CCDC6: variants seen among roughly 807,000 people sequenced by gnomAD.
The protein encoded by CCDC6 is coiled-coil domain-containing protein 6.
A neutral mutation model predicts 56.6 loss-of-function variants in CCDC6; 20 were observed. The observed-to-expected ratio is 0.35, with a 90% CI of 0.25 to 0.51. CCDC6 has a LOEUF of 0.51. Among genes scored for constraint, CCDC6 ranks in the 20% least tolerant of loss-of-function variants. The pLI is 0.95. For missense variants in CCDC6, 367 were observed against 601.1 expected (o/e 0.61, Z 4.07); for synonymous variants, 241 against 234.4 (o/e 1.03, Z -0.26).
intron 7 of CCDC6, among the ~76,000 whole-genome samples, chr10:59,801,517 T>A (rs922500508): frequency 2.6e-5 from 4 of 152,154 alleles, no homozygotes; most frequent in Admixed American, 2.6e-4. Flanking sequence ...TCTTTCCACT[T>A]TTCTGGTAGC....
intron 1 of CCDC6, among the ~76,000 whole-genome samples, chr10:59,867,518 A>G (rs2071187323): frequency 6.6e-6 from 1 of 152,164 alleles, no homozygotes; most frequent in African/African-American, 2.4e-5. Flanking sequence ...TAACGCAGAC[A>G]TTCCTTTCTA....
At chr10:59,891,195 T>C (rs1349052221) in intron 1 of CCDC6, among the ~76,000 whole-genome samples, 8 of 152,232 alleles carry the variant, frequency 5.3e-5, no homozygotes, top group Non-Finnish European at 1.2e-4. Context: ...TGAAATACAG[T>C]TGTGCATCCT....
At chr10:59,840,477 C>T (rs1027722683) in intron 2 of CCDC6, among the ~76,000 whole-genome samples, 20 of 152,122 alleles carry the variant, frequency 1.3e-4, no homozygotes, top group Non-Finnish European at 5.9e-5. Context: ...TGTCTCTGGT[C>T]CTCTCCTCTG....
chr10:59,857,739 T>C (rs1368126985), intron 1 of CCDC6, among the ~76,000 whole-genome samples: 1 of 152,154 alleles, frequency 6.6e-6, no homozygotes, highest in South Asian at 2.1e-4. Context: ...CAAAGAATCA[T>C]GAAACTAAGA....
intron 1 of CCDC6, among the ~76,000 whole-genome samples, chr10:59,897,223 A>G (rs2071470349): frequency 6.6e-6 from 1 of 152,218 alleles, no homozygotes; most frequent in Admixed American, 6.5e-5. Context: ...TCAGTAGAAT[A>G]AAAGTTATCA....
At position 59,903,519 on chromosome 10, in the gene CCDC6, G is replaced by A. The variant is rs185458238; in HGVS notation, c.303+2603C>T. Among the ~76,000 whole-genome samples the A allele has an allele frequency of 5.2e-3, 784 of 152,176 alleles. 4 individuals are homozygous for A. Among genetic ancestry groups the A allele is most frequent in the Non-Finnish European group, 8.2e-3 (556 of 67,998 alleles). On this transcript the variant is annotated intron_variant, in intron 1 of 8. Coordinates refer to ENST00000263102, the MANE Select transcript of CCDC6 (RefSeq NM_005436.5). ...AAAAAAGAGCCCGGCTCTTCCCCAGGGTGTGGCAAAAAGGCAATGTGTCTT... is the reference window on the plus strand; with the variant it reads ...AAAAAAGAGCCCGGCTCTTCCCCAGAGTGTGGCAAAAAGGCAATGTGTCTT...
chr10:59,827,912 TTAA>T (rs1465972268), intron 3 of CCDC6, among the ~76,000 whole-genome samples: 1 of 152,156 alleles, frequency 6.6e-6, no homozygotes, highest in Non-Finnish European at 1.5e-5. Flanking sequence ...ACAGTACTAC[TTAA>T]TAACCATGGA....
At chr10:59,887,663 T>C (rs2071392900) in intron 1 of CCDC6, among the ~76,000 whole-genome samples, 1 of 152,202 alleles carries the variant, frequency 6.6e-6, no homozygotes, top group South Asian at 2.1e-4. Context: ...GGGCATTATT[T>C]CAAATCTCAG....
intron 7 of CCDC6, among the ~76,000 whole-genome samples, chr10:59,796,633 T>C (rs922947842): frequency 7.9e-5 from 12 of 152,080 alleles, no homozygotes; most frequent in African/African-American, 2.7e-4. Context: ...CTCAAAGAGA[T>C]ATTAGCACTC....
At chr10:59,870,586 T>TGGGAC (rs78905744) in intron 1 of CCDC6, among the ~76,000 whole-genome samples, 1 of 151,864 alleles carries the variant, frequency 6.6e-6, no homozygotes, top group East Asian at 1.9e-4. Context: ...TCCTACAATC[T>TGGGAC]AGAGGACCAC....
At chr10:59,805,324 G>GCCTCTTAAGT (rs1232216632) in intron 6 of CCDC6, 5 of 152,158 alleles carry the variant, frequency 3.3e-5, no homozygotes, top group African/African-American at 9.7e-5. Flanking sequence ...GGCATCTTGT[G>GCCTCTTAAGT]GTCTCTTAAG....
intron 7 of CCDC6, among the ~76,000 whole-genome samples, chr10:59,804,037 T>C (rs949237643): frequency 1.3e-5 from 2 of 152,218 alleles, no homozygotes; most frequent in African/African-American, 4.8e-5. Context: ...GATTAATGTA[T>C]GTGGAATATG....
At chr10:59,881,460 GC>G (rs2071334455) in intron 1 of CCDC6, among the ~76,000 whole-genome samples, 1 of 152,158 alleles carries the variant, frequency 6.6e-6, no homozygotes, top group South Asian at 2.1e-4. Flanking sequence ...AGACAATTAT[GC>G]CCCTTTCCTC....
intron 8 of CCDC6, 65 bp from the exon 9 acceptor site, chr10:59,793,176 G>A: frequency 2.2e-6 from 3 of 1,346,608 alleles, no homozygotes; most frequent in Non-Finnish European, 3.1e-6. Flanking sequence ...ACCTAACACA[G>A]CCTGACTTGG....
At chr10:59,903,050 C>T (rs1171604324) in intron 1 of CCDC6, among the ~76,000 whole-genome samples, 1 of 152,096 alleles carries the variant, frequency 6.6e-6, no homozygotes, top group Non-Finnish European at 1.5e-5. Flanking sequence ...AATGCATTTA[C>T]TAAGTGAAAA....
At chr10:59,793,154 G>A (rs2070483955) in intron 8 of CCDC6, 43 bp from the exon 9 acceptor site, 1 of 1,530,976 alleles carries the variant, frequency 6.5e-7, no homozygotes, top group South Asian at 1.1e-5. Flanking sequence ...AGGTACAGGT[G>A]GATCTCATTC....
chr10:59,900,733 A>T (rs2071498885), intron 1 of CCDC6, among the ~76,000 whole-genome samples: 1 of 152,220 alleles, frequency 6.6e-6, no homozygotes, highest in Non-Finnish European at 1.5e-5. Context: ...AGCAAATAGG[A>T]AGCACTGTAA....
chr10:59,814,228 T>G (rs2070694524), intron 4 of CCDC6, among the ~76,000 whole-genome samples: 1 of 152,164 alleles, frequency 6.6e-6, no homozygotes, highest in Non-Finnish European at 1.5e-5. Flanking sequence ...AATTTTATTA[T>G]TAAAATCTCA....
chr10:59,824,352 CTTCTT>C (rs2070769981), intron 3 of CCDC6, among the ~76,000 whole-genome samples: 2 of 152,138 alleles, frequency 1.3e-5, no homozygotes, highest in Admixed American at 1.3e-4. Context: ...CCTCCTGAAG[CTTCTT>C]TTGAGTATGG....
Sources: gnomAD v4.1 joint callset for allele counts (sites outside exome capture counted in the v4.1 genomes callset) on GRCh38, gnomAD v4.1.1 for gene constraint, MANE v1.5 for transcripts, NCBI Gene and HGNC (gene_info 2026-07-23, HGNC 2026-07-21) for gene names.